Variants in CFAP69 observed in about 807,000 individuals in gnomAD.
CFAP69 encodes cilia and flagella associated protein 69.
In CFAP69, 92 loss-of-function variants were observed where a neutral mutation model predicts 123.0. The observed-to-expected ratio is 0.75, with a 90% confidence interval of 0.63 to 0.89. CFAP69 has a LOEUF of 0.89. Ranked by LOEUF, CFAP69 falls within the 40% of genes least tolerant of loss-of-function variation. The probability of loss-of-function intolerance (pLI) is 0.00; values close to 1 mark genes in which losing one functional copy is unlikely to be tolerated. For missense variants in CFAP69, 1,067 were observed against 1,096.9 expected (o/e 0.97, Z 0.39); for synonymous variants, 380 against 364.3 (o/e 1.04, Z -0.49).
chr7:90,314,285 A>C (rs1309459900), downstream of CFAP69, among the ~76,000 whole-genome samples: 1 of 152,184 alleles, frequency 6.6e-6, no homozygotes, highest in Non-Finnish European at 1.5e-5. Context: ...TATTGGTTTC[A>C]GTGTATTAGT....
Position 90,297,804 on chromosome 7 carries a change from AT to A in CFAP69, c.1836del (p.Leu613SerfsTer6). ...SEDYFLEKEGIFLLLDLLALN... is the reference protein window; with the variant it reads ...SEDYFLEKEGXFLLLDLLALN... ...GGATTATTTTCTTGAAAAGGAAGGC[AT>A]TTTTCTCCTTTTGGATTTGTTAGCA... On this transcript the variant is annotated frameshift_variant, in exon 16 of 23. Coordinates refer to ENST00000389297, the MANE Select transcript of CFAP69 (RefSeq NM_001039706.3). 1.9e-6 allele frequency: 3 copies of A among 1,574,556 alleles called. No homozygotes were observed. Among genetic ancestry groups the A allele is most frequent in the East Asian group, 2.3e-5 (1 of 42,946 alleles).
intron 15 of CFAP69, among the ~76,000 whole-genome samples, chr7:90,292,924 T>A (rs1321766947): frequency 6.6e-6 from 1 of 152,178 alleles, no homozygotes; most frequent in African/African-American, 2.4e-5. Flanking sequence ...GTTCTATAGC[T>A]GACTATAAAC....
At chr7:90,299,588 AT>A (rs1469261840) in intron 16 of CFAP69, among the ~76,000 whole-genome samples, 2 of 152,144 alleles carry the variant, frequency 1.3e-5, no homozygotes, top group Admixed American at 6.5e-5. Context: ...ATTTGTGCAA[AT>A]CTTTTTCCAA....
At chr7:90,253,186 T>C (rs1797227837) in intron 1 of CFAP69, among the ~76,000 whole-genome samples, 1 of 152,196 alleles carries the variant, frequency 6.6e-6, no homozygotes, top group Non-Finnish European at 1.5e-5. Context: ...GCTTAACTCC[T>C]GTAATGGGGG....
chr7:90,322,731 T>C, the CFAP69 span: 16 of 152,328 alleles, frequency 1.1e-4, no homozygotes, highest in Non-Finnish European at 2.1e-4. Context: ...ATAGTTGTCA[T>C]TAAAATGCAT....
intron 21 of CFAP69, among the ~76,000 whole-genome samples, chr7:90,308,142 G>A (rs1441424028): frequency 6.6e-6 from 1 of 152,116 alleles, no homozygotes; most frequent in Non-Finnish European, 1.5e-5. Flanking sequence ...AATGTGTTCT[G>A]CTTTCCATTC....
chr7:90,277,073 G>C lies in CFAP69; in HGVS notation c.985G>C (p.Glu329Gln). 1 of 1,558,026 alleles carries C rather than the reference G, an allele frequency of 6.4e-7. No individual in the cohort carries two copies. ...IAQNPEAPMIECGFTKDLILF... is the reference protein window; with the variant it reads ...IAQNPEAPMIQCGFTKDLILF... Reference sequence around the variant, plus strand: ...TGCTTATTTTATGTATTTATATTAGGAATGTGGCTTTACCAAGGATTTGAT... The same window carrying C: ...TGCTTATTTTATGTATTTATATTAGCAATGTGGCTTTACCAAGGATTTGAT... The change falls in exon 10 of 23, where the codon GAA becomes CAA. Residue 329 changes from glutamate (E) to glutamine (Q), a missense_variant and splice_region_variant. Transcript: ENST00000389297.
chr7:90,296,415 C>T (rs543056890), intron 15 of CFAP69, among the ~76,000 whole-genome samples: 108 of 152,160 alleles, frequency 7.1e-4, no homozygotes, highest in Middle Eastern at 3.4e-3. Flanking sequence ...GCAACCTCCT[C>T]CTCCTGGGTT....
Position 90,247,079 on chromosome 7 carries a change from G to A in CFAP69, c.120+1535G>A, listed in dbSNP as rs561763360. On this transcript the variant is annotated intron_variant, in intron 1 of 22. Transcript: ENST00000389297. Reference sequence around the variant, plus strand: ...GTAGTAACATTTTCGAAGTACTGAGGAAAAAGGTAGTTTCTCCCCAAAGAA... The same window carrying A: ...GTAGTAACATTTTCGAAGTACTGAGAAAAAAGGTAGTTTCTCCCCAAAGAA... Among the ~76,000 whole-genome samples the A allele has an allele frequency of 9.1e-4, 139 of 152,236 alleles. 1 individual carries two copies. Among genetic ancestry groups the A allele is most frequent in the Non-Finnish European group, 1.5e-3 (102 of 68,016 alleles).
chr7:90,299,290 G>A (rs1792426953), intron 16 of CFAP69, among the ~76,000 whole-genome samples: 1 of 152,126 alleles, frequency 6.6e-6, no homozygotes, highest in South Asian at 2.1e-4. Context: ...AAAACTACTT[G>A]TAGCAAAATA....
chr7:90,307,602 GT>G (rs927443079), intron 20 of CFAP69, among the ~76,000 whole-genome samples, 165 bp from the exon 21 acceptor site: 31 of 151,266 alleles, frequency 2.0e-4, no homozygotes, highest in African/African-American at 7.5e-4. Flanking sequence ...ATTCAATGCT[GT>G]TTTTTTGCAT....
At chr7:90,319,020 T>C in the CFAP69 span, 1 of 189,480 alleles carries the variant, frequency 5.3e-6, no homozygotes. Context: ...TAAATACATG[T>C]CTGATGTTTA....
the CFAP69 span, chr7:90,319,172 C>G: frequency 2.3e-4 from 88 of 379,736 alleles, no homozygotes; most frequent in African/African-American, 1.6e-3. Flanking sequence ...TAAGTCAGAG[C>G]TTGTGTGGTT....
chr7:90,279,425 G>A (rs953082517), intron 11 of CFAP69, among the ~76,000 whole-genome samples: 1 of 151,784 alleles, frequency 6.6e-6, no homozygotes, highest in Non-Finnish European at 1.5e-5. Flanking sequence ...TTACATATAT[G>A]AGCAGCAAAA....
At chr7:90,305,917 T>C (rs1217790977) in intron 19 of CFAP69, among the ~76,000 whole-genome samples, 1 of 150,104 alleles carries the variant, frequency 6.7e-6, no homozygotes, top group Non-Finnish European at 1.5e-5. Flanking sequence ...TGTAAATGAG[T>C]AAACCTCTAT....
intron 1 of CFAP69, among the ~76,000 whole-genome samples, chr7:90,253,194 G>A (rs909704201): frequency 2.6e-5 from 4 of 152,082 alleles, no homozygotes; most frequent in Non-Finnish European, 2.9e-5. Context: ...CCTGTAATGG[G>A]GGTAAGCACT....
intron 11 of CFAP69, among the ~76,000 whole-genome samples, chr7:90,278,752 A>G (rs1788989596): frequency 6.6e-6 from 1 of 152,120 alleles, no homozygotes; most frequent in Non-Finnish European, 1.5e-5. Flanking sequence ...TAGTAATGAT[A>G]ATGAATATGT....
chr7:90,290,621 A>G (rs1337577817), intron 15 of CFAP69, among the ~76,000 whole-genome samples: 2 of 152,132 alleles, frequency 1.3e-5, no homozygotes, highest in Non-Finnish European at 2.9e-5. Flanking sequence ...GGACCACCTG[A>G]ATGGGAGGAG....
intron 4 of CFAP69, 26 bp from the exon 5 acceptor site, chr7:90,265,275 G>A: frequency 6.7e-7 from 1 of 1,484,104 alleles, no homozygotes; most frequent in Non-Finnish European, 9.4e-7. Flanking sequence ...AAAAATTACT[G>A]TTACAATTCT....
Sources: gnomAD v4.1 joint callset for allele counts (sites outside exome capture counted in the v4.1 genomes callset) on GRCh38, gnomAD v4.1.1 for gene constraint, MANE v1.5 for transcripts, NCBI Gene and HGNC (gene_info 2026-07-23, HGNC 2026-07-21) for gene names.